The following SPATA21 variants were observed in gnomAD, a reference collection of about 807,000 sequenced individuals.
SPATA21 encodes the protein spermatogenesis associated 21.
A neutral mutation model predicts 54.8 loss-of-function variants in SPATA21; 47 were observed. That is an observed-to-expected ratio of 0.86 (90% CI 0.68 to 1.09). The LOEUF (loss-of-function observed/expected upper bound fraction) is 1.09. Among genes scored for constraint, SPATA21 ranks in the 50% least tolerant of loss-of-function variants. The probability of loss-of-function intolerance (pLI) is 0.00; values close to 1 mark genes in which losing one functional copy is unlikely to be tolerated. For synonymous variants in SPATA21, 245 were observed against 235.3 expected, an observed-to-expected ratio of 1.04 and a Z score of -0.38; for missense variants, 599 against 596.4, an observed-to-expected ratio of 1.00 and a Z score of -0.05.
chr1:16,432,835 C>G lies in SPATA21; in HGVS notation c.-97G>C, dbSNP rs1428202528. The G allele has an allele frequency of 1.3e-5, 2 of 152,244 alleles. No individual in the cohort carries two copies. Among genetic ancestry groups the G allele is most frequent in the Non-Finnish European group, 2.9e-5 (2 of 68,110 alleles). 9.4% of individuals were successfully genotyped at this position (152,244 alleles called of 1,614,324 possible). A position where few individuals can be genotyped will look rare whatever the true frequency, so the allele number is the denominator to read the frequency against. On this transcript the variant is annotated 5_prime_UTR_variant, in exon 2 of 13. Coordinates refer to ENST00000335496, the MANE Select transcript of SPATA21 (RefSeq NM_198546.1). ...TTCTTCCACTTTAAATCATGGCAGG[C>G]CCGCCAGCATCCACGGAGGAACCTT...
chr1:16,404,903 A>G (rs1455271792), intron 8 of SPATA21, 64 bp downstream of exon 8: 9 of 1,487,016 alleles, frequency 6.1e-6, no homozygotes. Context: ...ATGCAACTGC[A>G]CAGGTTTCAA....
intron 3 of SPATA21, chr1:16,425,576 C>T (rs2086297533): frequency 1.3e-6 from 2 of 1,549,964 alleles, no homozygotes; most frequent in African/African-American, 2.7e-5. Context: ...CCGTTGCCTC[C>T]CCTGCTGGCC....
At chr1:16,424,799 A>T (rs1251783843) in intron 3 of SPATA21, 1 of 157,276 alleles carries the variant, frequency 6.4e-6, no homozygotes, top group Non-Finnish European at 1.4e-5. Flanking sequence ...AACCTGTTTC[A>T]GCTTTGTTAA....
At position 16,400,804 on chromosome 1, in the gene SPATA21, A is replaced by G. The variant is rs751405725; in HGVS notation, c.1090T>C (p.Tyr364His). 4.3e-6 allele frequency: 7 copies of G among 1,610,402 alleles called. No individual in the cohort carries two copies. The highest frequency in any genetic ancestry group is 5.9e-6 in the Non-Finnish European group (7 of 1,178,846). The change falls in exon 11 of 13, where the codon TAC becomes CAC. Residue 364 changes from tyrosine (Y) to histidine (H), a missense_variant. Physicochemically the swap from Tyr to His is moderately conservative, Grantham distance 83. Coordinates refer to ENST00000335496, the MANE Select transcript of SPATA21 (RefSeq NM_198546.1). ...GAGCTCTCTTCTTGCTGGGGGTTGT[A>G]GGGAAGCTTCTGCAACCGCAGCCGG... ...VGRLRLQKLPYNPQQEESSEV... is the reference protein window; with the variant it reads ...VGRLRLQKLPHNPQQEESSEV...
At chr1:16,400,462 T>G in intron 11 of SPATA21, 1 of 1,227,070 alleles carries the variant, frequency 8.1e-7, no homozygotes, top group South Asian at 2.6e-5. Flanking sequence ...TCTTTCTCAG[T>G]CCTGGCTCAT....
chr1:16,414,583 A>G (rs76522729), intron 5 of SPATA21, among the ~76,000 whole-genome samples: 10,618 of 152,180 alleles, frequency 0.07, 424 homozygotes, highest in African/African-American at 0.092. Context: ...TAAACGCTCA[A>G]CAAACAGTAC....
intron 3 of SPATA21, chr1:16,422,329 A>C: frequency 4.1e-6 from 3 of 732,042 alleles, no homozygotes; most frequent in Non-Finnish European, 5.5e-6. Context: ...ATCTTACTTA[A>C]TTCTCCTAGT....
chr1:16,414,669 C>A (rs1366249506), intron 5 of SPATA21, among the ~76,000 whole-genome samples: 1 of 151,258 alleles, frequency 6.6e-6, no homozygotes, highest in Non-Finnish European at 1.5e-5. Flanking sequence ...CTGAGGCAGG[C>A]AGATCACCTG....
chr1:16,422,261 C>T (rs2100864086), intron 3 of SPATA21: 1 of 1,357,788 alleles, frequency 7.4e-7, no homozygotes, highest in East Asian at 2.9e-5. Flanking sequence ...CTCAATGCTC[C>T]AGGCGAACTG....
intron 3 of SPATA21, among the ~76,000 whole-genome samples, chr1:16,426,456 A>G (rs932676611): frequency 5.8e-4 from 84 of 144,304 alleles, no homozygotes; most frequent in African/African-American, 1.9e-3. Flanking sequence ...ATGGGGTTTC[A>G]CCATGTTGTC....
At chr1:16,405,840 T>C (rs1191806489) in intron 7 of SPATA21, among the ~76,000 whole-genome samples, 2 of 152,206 alleles carry the variant, frequency 1.3e-5, no homozygotes, top group Non-Finnish European at 1.5e-5. Context: ...GACCAAGATC[T>C]AGGGACAGAC....
chr1:16,423,965 C>T (rs1001725434), intron 3 of SPATA21, among the ~76,000 whole-genome samples: 3 of 151,336 alleles, frequency 2.0e-5, no homozygotes, highest in Admixed American at 6.6e-5. Flanking sequence ...AGTTGGTAGT[C>T]GCCTGGGGAT....
rs749486753 is a variant in SPATA21, at chr1:16,409,765, C to T, written c.423G>A (p.Trp141Ter). The stretch of plus-strand genomic sequence containing the variant: ...CTGGCCCAGGAGCTGGCAGCCGGGC[C>T]CACGATGGGCCGCTGGCAGGGACCG... ...PASVPASGPS[W>*]ARLPAPGPEP... The change falls in exon 6 of 13, where the codon TGG (tryptophan) becomes TGA (stop). Residue 141 changes from tryptophan (W) to a stop codon, truncating the protein, a stop_gained. Coordinates refer to ENST00000335496, the MANE Select transcript of SPATA21 (RefSeq NM_198546.1). LOFTEE classifies it high-confidence loss of function. This position sits in a 1 kb window ranked among gnomAD's most constrained non-coding sequence, Gnocchi z 4.1. 29 of 1,605,708 alleles carry T rather than the reference C, an allele frequency of 1.8e-5. 1 individual carries two copies. In the East Asian group the frequency reaches 5.1e-4, roughly 28 times the overall value.
Position 16,409,021 on chromosome 1 carries a change from T to C in SPATA21, c.673+97A>G. 7.7e-7 allele frequency: 1 copy of C among 1,298,016 alleles called. No individual in the cohort carries two copies. Among genetic ancestry groups the C allele is most frequent in the Non-Finnish European group, 1.1e-6 (1 of 909,034 alleles). The allele number at this position is 1,298,016 out of a possible 1,614,324, so 80.4% of individuals were successfully genotyped here. On this transcript the variant is annotated intron_variant, in intron 7 of 12. Transcript: ENST00000335496. The surrounding 1 kb of genome is among the most constrained non-coding windows in gnomAD (Gnocchi z 4.1). The stretch of plus-strand genomic sequence containing the variant: ...TCTGCTACACATGGCGGCAGCCATG[T>C]GATCTGGAAAGCACCCCAGTCCGCC...
At chr1:16,426,579 A>ATTTT in intron 3 of SPATA21, among the ~76,000 whole-genome samples, 2 of 107,156 alleles carry the variant, frequency 1.9e-5, no homozygotes, top group South Asian at 5.9e-4. Flanking sequence ...ATATATATAT[A>ATTTT]TTTTTTTTTT....
chr1:16,413,384 C>T (rs1212689468), intron 5 of SPATA21, among the ~76,000 whole-genome samples: 4 of 152,184 alleles, frequency 2.6e-5, no homozygotes, highest in Admixed American at 1.3e-4. Flanking sequence ...GTCTATTGTA[C>T]GTACAGACCA....
At chr1:16,405,173 A>G in intron 7 of SPATA21, 69 bp from the exon 8 acceptor site, 3 of 1,543,140 alleles carry the variant, frequency 1.9e-6, no homozygotes, top group Middle Eastern at 1.8e-4. Context: ...CATTACCCCA[A>G]CCACCCTCCT....
At chr1:16,403,000 C>T (rs771621162) in intron 10 of SPATA21, among the ~76,000 whole-genome samples, 8 of 152,174 alleles carry the variant, frequency 5.3e-5, no homozygotes, top group African/African-American at 9.7e-5. Context: ...AATGGAGGCT[C>T]GGGCTCCTCT....
intron 3 of SPATA21, among the ~76,000 whole-genome samples, chr1:16,426,091 A>C (rs1004216401): frequency 1.5e-4 from 23 of 151,960 alleles, no homozygotes; most frequent in African/African-American, 5.3e-4. Flanking sequence ...TTTTCAGAAA[A>C]AAATGAAACA....
Sources: gnomAD v4.1 joint callset for allele counts (sites outside exome capture counted in the v4.1 genomes callset) on GRCh38, gnomAD v4.1.1 for gene constraint, Gnocchi (gnomAD v3.1) non-coding constraint, MANE v1.5 for transcripts, NCBI Gene and HGNC (gene_info 2026-07-23, HGNC 2026-07-21) for gene names.